Variants in LIMS1 observed in about 807,000 individuals in gnomAD.
The protein encoded by LIMS1 is LIM zinc finger domain containing 1.
In LIMS1, 18 loss-of-function variants were observed where a neutral mutation model predicts 44.1. The observed-to-expected ratio is 0.41, with a 90% CI of 0.28 to 0.61. The LOEUF is 0.61. LIMS1 is among the 20% of genes least tolerant of loss of function. LIMS1 has a pLI of 0.32. For missense variants in LIMS1, 201 were observed against 422.0 expected, an observed-to-expected ratio of 0.48 and a Z score of 4.59; for synonymous variants, 93 against 149.1, an observed-to-expected ratio of 0.62 and a Z score of 2.74.
intron 8 of LIMS1, chr2:108,678,345 G>A: frequency 2.2e-6 from 1 of 450,020 alleles, no homozygotes; most frequent in Non-Finnish European, 3.9e-6. Flanking sequence ...CGTTTATTAG[G>A]AACAGTTTAA....
At chr2:108,566,777 A>G (rs946566751) in intron 1 of LIMS1, among the ~76,000 whole-genome samples, 1 of 152,024 alleles carries the variant, frequency 6.6e-6, no homozygotes, top group Non-Finnish European at 1.5e-5. Flanking sequence ...TTGTATTTTT[A>G]GTAGAGATGG....
intron 1 of LIMS1, among the ~76,000 whole-genome samples, chr2:108,628,677 G>T (rs1470970864): frequency 1.3e-5 from 2 of 152,194 alleles, no homozygotes; most frequent in Non-Finnish European, 2.9e-5. Flanking sequence ...TGTTGGCCAG[G>T]CTGGTCTCGA....
At chr2:108,548,911 G>A (rs1311260658) in intron 1 of LIMS1, among the ~76,000 whole-genome samples, 1 of 152,170 alleles carries the variant, frequency 6.6e-6, no homozygotes, top group Non-Finnish European at 1.5e-5. Context: ...CCAGGATAAA[G>A]CATTACTGGA....
At chr2:108,608,727 A>G (rs1197688632) in intron 1 of LIMS1, among the ~76,000 whole-genome samples, 1 of 152,138 alleles carries the variant, frequency 6.6e-6, no homozygotes, top group African/African-American at 2.4e-5. Flanking sequence ...ATCTTGAGAG[A>G]AGCAGGGTAG....
intron 2 of LIMS1, among the ~76,000 whole-genome samples, chr2:108,663,135 T>G (rs1450209964): frequency 6.6e-6 from 1 of 152,172 alleles, no homozygotes; most frequent in African/African-American, 2.4e-5. Flanking sequence ...TTTCTTTTTC[T>G]TAAGACAGGG....
At chr2:108,672,213 A>G in intron 3 of LIMS1, 112 bp from the exon 4 acceptor site, 1 of 1,095,640 alleles carries the variant, frequency 9.1e-7, no homozygotes, top group East Asian at 4.8e-5. Context: ...AAAGGCTTCA[A>G]CGGTTTTTTT....
chr2:108,613,740 C>T (rs1296896066), intron 1 of LIMS1, among the ~76,000 whole-genome samples: 1 of 152,082 alleles, frequency 6.6e-6, no homozygotes, highest in African/African-American at 2.4e-5. Flanking sequence ...CCAGGTCCTT[C>T]GAAACATGCC....
At chr2:108,585,769 A>T (rs1343026173) in intron 1 of LIMS1, among the ~76,000 whole-genome samples, 1 of 152,214 alleles carries the variant, frequency 6.6e-6, no homozygotes, top group Non-Finnish European at 1.5e-5. Context: ...AGCATCATTT[A>T]AAAATGTCAA....
chr2:108,622,572 C>G (rs1424856994), intron 1 of LIMS1, among the ~76,000 whole-genome samples: 2 of 152,114 alleles, frequency 1.3e-5, no homozygotes, highest in Non-Finnish European at 2.9e-5. Flanking sequence ...TCAGGTGTCT[C>G]TTAGCTACAT....
intron 1 of LIMS1, among the ~76,000 whole-genome samples, chr2:108,633,813 T>G (rs116197920): frequency 1.3e-5 from 2 of 152,206 alleles, no homozygotes; most frequent in African/African-American, 2.4e-5. Flanking sequence ...AAATTAAGTT[T>G]TATTTTATAT....
chr2:108,595,502 T>C (rs1050750572), intron 1 of LIMS1, among the ~76,000 whole-genome samples: 1 of 152,240 alleles, frequency 6.6e-6, no homozygotes, highest in Admixed American at 6.5e-5. Context: ...GCTTTCTTAC[T>C]TTAAAAAATG....
chr2:108,643,509 C>T (rs566608051), intron 1 of LIMS1, among the ~76,000 whole-genome samples: 3 of 152,186 alleles, frequency 2.0e-5, no homozygotes, highest in Non-Finnish European at 4.4e-5. Flanking sequence ...AGGAGATTCC[C>T]TCTGAAGCCT....
intron 1 of LIMS1, among the ~76,000 whole-genome samples, chr2:108,624,033 T>C (rs1484039565): frequency 2.0e-5 from 3 of 152,214 alleles, no homozygotes; most frequent in African/African-American, 7.2e-5. Flanking sequence ...TTTTAAAGTA[T>C]TAAATATGAC....
In LIMS1 at chr2:108,590,791, G is replaced by T. The variant is rs142662863; in HGVS notation, c.32+56197G>T. Among the ~76,000 whole-genome samples, 277 of 152,156 alleles carry T rather than the reference G, an allele frequency of 1.8e-3. 3 individuals are homozygous for T. The highest frequency in any genetic ancestry group is 5.0e-3 in the South Asian group (24 of 4,810). On this transcript the variant is annotated intron_variant, in intron 1 of 9. Transcript: ENST00000544547. ...AGAATAACATCCAGTTTTTATGCTG[G>T]GCTGCAAGTGCTTTCTGGATCTACC...
In LIMS1 at chr2:108,592,795, G is replaced by T. The variant is rs80091097; in HGVS notation, c.32+58201G>T. On this transcript the variant is annotated intron_variant, in intron 1 of 9. Transcript: ENST00000544547. ...TATCTGAGTTGCAGATTCCTCATCTGTAAATGGCAATAGTATTTAATCTGT... is the reference window on the plus strand; with the variant it reads ...TATCTGAGTTGCAGATTCCTCATCTTTAAATGGCAATAGTATTTAATCTGT... 2.9e-3 allele frequency among the ~76,000 whole-genome samples: 447 copies of T among 152,280 alleles called. 4 individuals carry two copies. The highest frequency in any genetic ancestry group is 0.01 in the African/African-American group (434 of 41,560).
At chr2:108,586,605 T>C (rs1686115167) in intron 1 of LIMS1, among the ~76,000 whole-genome samples, 2 of 152,204 alleles carry the variant, frequency 1.3e-5, no homozygotes, top group African/African-American at 4.8e-5. Context: ...GGAGGGTTGA[T>C]GGGACCCATC....
chr2:108,614,346 T>C (rs1249588968), intron 1 of LIMS1, among the ~76,000 whole-genome samples: 1 of 152,162 alleles, frequency 6.6e-6, no homozygotes, highest in African/African-American at 2.4e-5. Context: ...GATGTCCTGG[T>C]AGACACTCTT....
chr2:108,575,450 C>T (rs1328281488), intron 1 of LIMS1, among the ~76,000 whole-genome samples: 1 of 152,170 alleles, frequency 6.6e-6, no homozygotes, highest in Non-Finnish European at 1.5e-5. Flanking sequence ...GGTGCTGTTA[C>T]TTCTTTGTTT....
intron 1 of LIMS1, among the ~76,000 whole-genome samples, chr2:108,619,632 C>T (rs966818009): frequency 5.3e-5 from 8 of 151,974 alleles, no homozygotes; most frequent in East Asian, 3.9e-4. Flanking sequence ...TACAGTGAGC[C>T]GAGATTATGC....
Sources: gnomAD v4.1 joint callset for allele counts (sites outside exome capture counted in the v4.1 genomes callset) on GRCh38, gnomAD v4.1.1 for gene constraint, MANE v1.5 for transcripts, NCBI Gene and HGNC (gene_info 2026-07-23, HGNC 2026-07-21) for gene names.